Variants in SLC2A12 observed in about 807,000 individuals in gnomAD.
The protein encoded by SLC2A12 is solute carrier family 2, facilitated glucose transporter member 12.
SLC2A12 carries 23 observed loss-of-function variants against 41.8 expected under a neutral mutation model. The ratio of observed to expected loss-of-function variants is 0.55; its 90% CI spans 0.40 to 0.78. SLC2A12 has a LOEUF of 0.78. Ranked by LOEUF, SLC2A12 falls within the 30% of genes least tolerant of loss-of-function variation. SLC2A12 has a pLI of 0.00. For missense variants in SLC2A12, 654 were observed against 745.6 expected (o/e 0.88, Z 1.43); for synonymous variants, 295 against 285.9 (o/e 1.03, Z -0.32).
At chr6:134,040,321 C>A (rs539568560) in intron 1 of SLC2A12, among the ~76,000 whole-genome samples, 4 of 152,204 alleles carry the variant, frequency 2.6e-5, no homozygotes, top group South Asian at 2.1e-4. Context: ...TCAAGTGATC[C>A]TCCCACCTCA....
At chr6:134,036,837 T>C (rs765637314) in intron 1 of SLC2A12, among the ~76,000 whole-genome samples, 33 of 152,222 alleles carry the variant, frequency 2.2e-4, no homozygotes, top group Non-Finnish European at 3.5e-4. Context: ...AGCTAGCTGA[T>C]ATAGCACCAT....
At position 133,987,648 on chromosome 6, in the gene SLC2A12, G is replaced by GTGTATATATA. The variant is rs200249148; in HGVS notation, c.*3506_*3507insTATATATACA. On this transcript the variant is annotated 3_prime_UTR_variant, in exon 5 of 5. Coordinates refer to ENST00000275230, the MANE Select transcript of SLC2A12 (RefSeq NM_145176.3). ...TTTGTGTGTGTGTGTGTGTGTGTGT[G>GTGTATATATA]TATATATATATATATATATGCACCA... The GTGTATATATA allele has an allele frequency of 9.1e-5, 8 of 88,320 alleles. No homozygotes were observed. Among genetic ancestry groups the GTGTATATATA allele is most frequent in the African/African-American group, 2.5e-4 (7 of 27,502 alleles). 5.5% of individuals were successfully genotyped at this position (88,320 alleles called of 1,614,324 possible). A position where few individuals can be genotyped will look rare whatever the true frequency, so the allele number is the denominator to read the frequency against.
At chr6:133,992,206 T>C (rs941312602) in intron 4 of SLC2A12, among the ~76,000 whole-genome samples, 2 of 152,078 alleles carry the variant, frequency 1.3e-5, no homozygotes, top group African/African-American at 4.8e-5. Flanking sequence ...GATAATCCCA[T>C]AGGAGGGGGA....
At chr6:134,025,206 T>TAA (rs1488844465) in intron 2 of SLC2A12, among the ~76,000 whole-genome samples, 1 of 152,176 alleles carries the variant, frequency 6.6e-6, no homozygotes, top group African/African-American at 2.4e-5. Context: ...TAAAAATAAT[T>TAA]AACATTTACC....
intron 2 of SLC2A12, among the ~76,000 whole-genome samples, chr6:134,009,667 T>TAAATAAAATA (rs77349912): frequency 0.056 from 8,361 of 148,756 alleles, 383 homozygotes; most frequent in East Asian, 0.12. Flanking sequence ...CTTAAAATAA[T>TAAATAAAATA]AAATAAAATA....
At chr6:134,043,642 A>G (rs146698173) in intron 1 of SLC2A12, among the ~76,000 whole-genome samples, 1 of 151,984 alleles carries the variant, frequency 6.6e-6, no homozygotes, top group East Asian at 1.9e-4. Flanking sequence ...AAATACAAAA[A>G]TTAGCAAGGT....
At chr6:134,011,000 C>T (rs1027192229) in intron 2 of SLC2A12, among the ~76,000 whole-genome samples, 14 of 152,214 alleles carry the variant, frequency 9.2e-5, no homozygotes, top group South Asian at 2.1e-4. Context: ...TGAGTCCTTC[C>T]TAAACCACCT....
chr6:134,033,512 G>A (rs1002676408), intron 1 of SLC2A12, among the ~76,000 whole-genome samples: 1 of 152,072 alleles, frequency 6.6e-6, no homozygotes, highest in African/African-American at 2.4e-5. Flanking sequence ...ATTAGTGTAT[G>A]TGTTTTGGCA....
chr6:133,999,411 G>T (rs1169060249), intron 4 of SLC2A12, among the ~76,000 whole-genome samples: 2 of 152,250 alleles, frequency 1.3e-5, no homozygotes, highest in African/African-American at 4.8e-5. Flanking sequence ...ATCTCATCAA[G>T]AGGTTAGGTC....
At position 133,989,567 on chromosome 6, in the gene SLC2A12, T is replaced by C. The variant is rs1022619649; in HGVS notation, c.*1588A>G. On this transcript the variant is annotated 3_prime_UTR_variant, in exon 5 of 5. Transcript: ENST00000275230. ...AACAAAAAACAATGCATGCTCTGAT[T>C]TGCGTATGAAATACACCATGATAGA... 2 of 152,188 alleles carry C rather than the reference T, an allele frequency of 1.3e-5. No individual in the cohort carries two copies. Among genetic ancestry groups the C allele is most frequent in the African/African-American group, 2.4e-5 (1 of 41,456 alleles). 9.4% of individuals were successfully genotyped at this position (152,188 alleles called of 1,614,324 possible).
chr6:133,990,989 C>G lies in SLC2A12; in HGVS notation c.*166G>C. 2 of 734,970 alleles carry G rather than the reference C, an allele frequency of 2.7e-6. No homozygotes were observed. The highest frequency in any genetic ancestry group is 4.2e-6 in the Non-Finnish European group (2 of 472,540). The allele number at this position is 734,970 out of a possible 1,614,324, so 45.5% of individuals were successfully genotyped here. A position where few individuals can be genotyped will look rare whatever the true frequency, so the allele number is the denominator to read the frequency against. The stretch of plus-strand genomic sequence containing the variant: ...CCTCATCTACCTTTTGAGGTTCCTT[C>G]TGGGGAGGAGGGGGATTAAAGGCTG... On this transcript the variant is annotated 3_prime_UTR_variant, in exon 5 of 5. Transcript: ENST00000275230.
intron 1 of SLC2A12, among the ~76,000 whole-genome samples, chr6:134,030,627 T>A (rs370737158): frequency 3.3e-5 from 5 of 151,784 alleles, no homozygotes; most frequent in African/African-American, 4.8e-5. Flanking sequence ...GAGGGAAGAG[T>A]ATTTCAGGCC....
At chr6:133,993,143 G>T (rs1451063338) in intron 4 of SLC2A12, among the ~76,000 whole-genome samples, 1 of 152,042 alleles carries the variant, frequency 6.6e-6, no homozygotes, top group Non-Finnish European at 1.5e-5. Context: ...TCTAAGTTTG[G>T]CACAAAACTG....
chr6:134,049,789 T>C (rs565570589), intron 1 of SLC2A12, among the ~76,000 whole-genome samples: 2 of 152,330 alleles, frequency 1.3e-5, no homozygotes, highest in South Asian at 4.1e-4. Context: ...CCTACCAAAA[T>C]TTTTCACTGT....
rs746778439 is a variant in SLC2A12, at chr6:134,002,125, A to C, written c.1572T>G (p.Leu524=). 6.3e-7 allele frequency: 1 copy of C among 1,592,486 alleles called. No individual in the cohort carries two copies. Among genetic ancestry groups the C allele is most frequent in the African/African-American group, 1.4e-5 (1 of 73,186 alleles). Residue 524 remains leucine, a synonymous_variant, in exon 4 of 5, where the codon CTT becomes CTG. Transcript: ENST00000275230. The stretch of plus-strand genomic sequence containing the variant: ...TAAAGCACACCCATGGCAGGCCAAT[A>C]AGATCTATAAAGGACAAAAGAAATT... ...ISLTFLTVTD[L]IGLPWVCFIY...
intron 2 of SLC2A12, among the ~76,000 whole-genome samples, chr6:134,021,966 C>G (rs1350308722): frequency 2.0e-5 from 3 of 152,170 alleles, no homozygotes; most frequent in African/African-American, 7.2e-5. Context: ...TAAAGTATTG[C>G]CTCATTGCAC....
intron 3 of SLC2A12, among the ~76,000 whole-genome samples, chr6:134,002,520 C>T (rs1776765985): frequency 6.6e-6 from 1 of 152,112 alleles, no homozygotes; most frequent in Admixed American, 6.5e-5. Flanking sequence ...CTCCACAGTT[C>T]CCCTCTTGGG....
intron 3 of SLC2A12, among the ~76,000 whole-genome samples, chr6:134,005,816 G>T (rs1776806195): frequency 6.6e-6 from 1 of 151,704 alleles, no homozygotes; most frequent in African/African-American, 2.4e-5. Context: ...ATTGTGGATT[G>T]GTTTCTCTTT....
rs544254761 is a variant in SLC2A12, at chr6:134,015,159, T to C, written c.1445-8225A>G. 1.6e-4 allele frequency among the ~76,000 whole-genome samples: 24 copies of C among 152,350 alleles called. No individual in the cohort carries two copies. In the East Asian group the frequency reaches 4.6e-3, roughly 29 times the overall value. On this transcript the variant is annotated intron_variant, in intron 2 of 4. Coordinates refer to ENST00000275230, the MANE Select transcript of SLC2A12 (RefSeq NM_145176.3). ...TAAGATTTAAAGGGAAAAACAAGAT[T>C]TGAAAGATCTTAAAGGTAGATGCAC...
Sources: gnomAD v4.1 joint callset for allele counts (sites outside exome capture counted in the v4.1 genomes callset) on GRCh38, gnomAD v4.1.1 for gene constraint, MANE v1.5 for transcripts, NCBI Gene and HGNC (gene_info 2026-07-23, HGNC 2026-07-21) for gene names.